Variants in SMAP1 observed in about 807,000 individuals in gnomAD.
SMAP1 encodes small ArfGAP 1.
A neutral mutation model predicts 58.5 loss-of-function variants in SMAP1; 24 were observed. The observed-to-expected ratio is 0.41, with a 90% CI of 0.30 to 0.58. The LOEUF (loss-of-function observed/expected upper bound fraction) is 0.58, where lower values mean the gene tolerates loss of function less well. SMAP1 is among the 20% of genes least tolerant of loss of function. SMAP1 has a pLI of 0.29. For missense variants in SMAP1, 563 were observed against 566.3 expected (o/e 0.99, Z 0.06); for synonymous variants, 216 against 196.6 (o/e 1.10, Z -0.82).
At chr6:70,738,533 G>T (rs376503934) in intron 2 of SMAP1, among the ~76,000 whole-genome samples, 402 of 151,262 alleles carry the variant, frequency 2.7e-3, no homozygotes, top group Non-Finnish European at 4.5e-3. Flanking sequence ...TGAGCTAACT[G>T]GGTAGTCTTT....
chr6:70,808,953 G>A (rs1422783749), intron 6 of SMAP1, among the ~76,000 whole-genome samples: 1 of 145,856 alleles, frequency 6.9e-6, no homozygotes, highest in Non-Finnish European at 1.5e-5. Flanking sequence ...CACACTTACT[G>A]GTTTCTTGCA....
At chr6:70,722,884 T>C (rs548876692) in intron 1 of SMAP1, among the ~76,000 whole-genome samples, 147 of 152,342 alleles carry the variant, frequency 9.6e-4, no homozygotes, top group African/African-American at 3.4e-3. Flanking sequence ...AGCGTGGGCG[T>C]CATGGCCATC....
intron 1 of SMAP1, among the ~76,000 whole-genome samples, chr6:70,686,335 C>G (rs958021172): frequency 1.3e-5 from 2 of 152,178 alleles, no homozygotes; most frequent in African/African-American, 4.8e-5. Flanking sequence ...GAAACAAATA[C>G]ATATTTTCTC....
At chr6:70,792,171 C>T (rs1049490071) in intron 5 of SMAP1, among the ~76,000 whole-genome samples, 8 of 151,876 alleles carry the variant, frequency 5.3e-5, no homozygotes, top group South Asian at 2.1e-4. Flanking sequence ...ACAGATAAAA[C>T]GTGTATTATG....
Position 70,724,757 on chromosome 6 carries a change from A to G in SMAP1, c.119-7621A>G, listed in dbSNP as rs557762628. On this transcript the variant is annotated intron_variant, in intron 1 of 10. Coordinates refer to ENST00000370455, the MANE Select transcript of SMAP1 (RefSeq NM_001044305.3). ...TTACAGGAAAACATGAACGTGACAC[A>G]GATAACCACAGGTGACTAGGTCATA... Among the ~76,000 whole-genome samples, 286 of 152,316 alleles carry G rather than the reference A, an allele frequency of 1.9e-3. 4 individuals are homozygous for G. Among genetic ancestry groups the G allele is most frequent in the Non-Finnish European group, 7.8e-4 (53 of 68,024 alleles).
chr6:70,700,719 G>A (rs1767593490), intron 1 of SMAP1, among the ~76,000 whole-genome samples: 1 of 152,226 alleles, frequency 6.6e-6, no homozygotes, highest in African/African-American at 2.4e-5. Flanking sequence ...GGTGGGTCAT[G>A]CTTGAAGCCT....
chr6:70,758,035 A>T (rs1766578434), intron 3 of SMAP1, among the ~76,000 whole-genome samples: 1 of 152,098 alleles, frequency 6.6e-6, no homozygotes, highest in South Asian at 2.1e-4. Flanking sequence ...TACCCAAAGG[A>T]CTATAAATCT....
intron 3 of SMAP1, among the ~76,000 whole-genome samples, chr6:70,766,334 A>G (rs1213220817): frequency 6.6e-6 from 1 of 152,226 alleles, no homozygotes; most frequent in Non-Finnish European, 1.5e-5. Context: ...GACTTCCACA[A>G]TGGTTGAACT....
chr6:70,703,237 C>T lies in SMAP1; in HGVS notation c.119-29141C>T, dbSNP rs1195861244. Among the ~76,000 whole-genome samples, 3 of 152,000 alleles carry T rather than the reference C, an allele frequency of 2.0e-5. No individual in the cohort carries two copies. The East Asian group carries it at 5.8e-4, about 29-fold the overall frequency. ...GATTACAGATGCCTGCCACCATGCT[C>T]AACTAATTTTTGTATTTTTAGTAGA... On this transcript the variant is annotated intron_variant, in intron 1 of 10. Transcript: ENST00000370455.
At chr6:70,769,677 G>A (rs2149908542) in intron 3 of SMAP1, among the ~76,000 whole-genome samples, 1 of 152,266 alleles carries the variant, frequency 6.6e-6, no homozygotes, top group Middle Eastern at 3.4e-3. Context: ...CCTGAATACA[G>A]CACACTGATG....
intron 2 of SMAP1, among the ~76,000 whole-genome samples, chr6:70,738,262 A>G (rs1291665122): frequency 6.6e-6 from 1 of 152,214 alleles, no homozygotes; most frequent in Non-Finnish European, 1.5e-5. Flanking sequence ...CATAAAAATT[A>G]TATCATGGTT....
In SMAP1 at chr6:70,861,940, T is replaced by A; in HGVS notation, c.*1606T>A. ...GATCCACGACGCTTAAATACAGCTT[T>A]TGGATTGGACAAAATGACTTGAAGA... is the stretch of plus-strand genomic sequence containing the variant. On this transcript the variant is annotated 3_prime_UTR_variant, in exon 11 of 11. Coordinates refer to ENST00000370455, the MANE Select transcript of SMAP1 (RefSeq NM_001044305.3). 1 of 1,613,980 alleles carries A rather than the reference T, an allele frequency of 6.2e-7. No individual in the cohort carries two copies. Among genetic ancestry groups the A allele is most frequent in the Non-Finnish European group, 8.5e-7 (1 of 1,179,900 alleles).
At chr6:70,845,844 C>A (rs1770966828) in intron 7 of SMAP1, among the ~76,000 whole-genome samples, 1 of 152,172 alleles carries the variant, frequency 6.6e-6, no homozygotes, top group Non-Finnish European at 1.5e-5. Flanking sequence ...CAGAGGGGCG[C>A]TGGAGACACA....
intron 1 of SMAP1, among the ~76,000 whole-genome samples, chr6:70,720,632 C>A (rs368030008): frequency 2.6e-5 from 4 of 152,344 alleles, no homozygotes; most frequent in African/African-American, 9.6e-5. Context: ...TTCCATACAT[C>A]TTCTAAAATC....
chr6:70,698,991 A>G (rs1767520645), intron 1 of SMAP1, among the ~76,000 whole-genome samples: 1 of 152,110 alleles, frequency 6.6e-6, no homozygotes, highest in Admixed American at 6.5e-5. Flanking sequence ...TTAGGTATTT[A>G]TTGTGGTCTT....
chr6:70,707,090 C>T (rs1379357540), intron 1 of SMAP1, among the ~76,000 whole-genome samples: 1 of 151,906 alleles, frequency 6.6e-6, no homozygotes, highest in African/African-American at 2.4e-5. Context: ...AATGGTTTCT[C>T]TTGTTATATG....
intron 1 of SMAP1, chr6:70,694,132 T>C: frequency 2.9e-6 from 1 of 346,668 alleles, no homozygotes; most frequent in Non-Finnish European, 5.7e-6. Flanking sequence ...ATTTTCTGTT[T>C]ACATCTTGAA....
At chr6:70,834,799 T>C (rs1418379630) in intron 6 of SMAP1, among the ~76,000 whole-genome samples, 1 of 152,238 alleles carries the variant, frequency 6.6e-6, no homozygotes, top group Admixed American at 6.5e-5. Context: ...GGAATATTTT[T>C]CTTGAAATTA....
chr6:70,851,447 A>T (rs1771181887), intron 7 of SMAP1, among the ~76,000 whole-genome samples: 1 of 152,236 alleles, frequency 6.6e-6, no homozygotes, highest in Non-Finnish European at 1.5e-5. Context: ...AGGTTTTCAA[A>T]GATGACAGAT....
Sources: gnomAD v4.1 joint callset for allele counts (sites outside exome capture counted in the v4.1 genomes callset) on GRCh38, gnomAD v4.1.1 for gene constraint, MANE v1.5 for transcripts, NCBI Gene and HGNC (gene_info 2026-07-23, HGNC 2026-07-21) for gene names.